The following FHIT variants were observed in gnomAD, a reference collection of about 807,000 sequenced individuals.
FHIT encodes fragile histidine triad diadenosine triphosphatase, also known as bis(5'-adenosyl)-triphosphatase.
In FHIT, 19 loss-of-function variants were observed where a neutral mutation model predicts 17.9. The ratio of observed to expected loss-of-function variants is 1.06; its 90% confidence interval spans 0.74 to 1.56. The LOEUF (loss-of-function observed/expected upper bound fraction) is 1.56. Ranked by LOEUF, FHIT falls within the 40% of genes most tolerant of loss-of-function variation. The probability of loss-of-function intolerance (pLI) is 0.00; values close to 1 mark genes in which losing one functional copy is unlikely to be tolerated. For synonymous variants in FHIT, 81 were observed against 69.7 expected (o/e 1.16, Z -0.81); for missense variants, 248 against 189.2 (o/e 1.31, Z -1.82).
chr3:60,347,679 G>GT (rs1553750556), intron 5 of FHIT, among the ~76,000 whole-genome samples: 4 of 145,612 alleles, frequency 2.7e-5, no homozygotes, highest in Admixed American at 1.4e-4. Context: ...CTGGTTTGGG[G>GT]GGGGGGGGGG....
chr3:59,789,893 A>G (rs1699477496), intron 8 of FHIT, among the ~76,000 whole-genome samples: 1 of 152,196 alleles, frequency 6.6e-6, no homozygotes, highest in African/African-American at 2.4e-5. Flanking sequence ...TCTGGCTTCC[A>G]TTGAATAAAG....
chr3:59,937,145 T>C (rs763681382), intron 7 of FHIT, among the ~76,000 whole-genome samples: 1 of 152,262 alleles, frequency 6.6e-6, no homozygotes, highest in African/African-American at 2.4e-5. Flanking sequence ...CATAATTTTA[T>C]GTCATTATCA....
At chr3:60,918,165 TC>T (rs1553767508) in intron 3 of FHIT, among the ~76,000 whole-genome samples, 2 of 152,198 alleles carry the variant, frequency 1.3e-5, no homozygotes, top group South Asian at 4.1e-4. Flanking sequence ...CATGCCTTTC[TC>T]CTCCTTTGCC....
chr3:60,263,827 C>A (rs1706428601), intron 5 of FHIT, among the ~76,000 whole-genome samples: 2 of 151,560 alleles, frequency 1.3e-5, no homozygotes, highest in African/African-American at 4.8e-5. Flanking sequence ...AGCTTAAATG[C>A]ATCTTTCAAC....
intron 2 of FHIT, among the ~76,000 whole-genome samples, chr3:61,178,317 A>G (rs1276134398): frequency 6.6e-6 from 1 of 151,982 alleles, no homozygotes; most frequent in African/African-American, 2.4e-5. Flanking sequence ...TCAAGGCTAA[A>G]GAATCCACTT....
chr3:60,993,389 G>A (rs1387805370), intron 3 of FHIT, among the ~76,000 whole-genome samples: 2 of 152,096 alleles, frequency 1.3e-5, no homozygotes, highest in Non-Finnish European at 2.9e-5. Flanking sequence ...CACCTTTATT[G>A]CACACTTTAC....
chr3:60,797,455 C>CAGT (rs59090057), intron 4 of FHIT, among the ~76,000 whole-genome samples: 14,222 of 147,962 alleles, frequency 0.096, 907 homozygotes, highest in African/African-American at 0.18. Context: ...AAAGAAATTG[C>CAGT]AGTAGTAGTA....
intron 5 of FHIT, among the ~76,000 whole-genome samples, chr3:60,280,247 A>G (rs556637409): frequency 6.6e-6 from 1 of 152,224 alleles, no homozygotes; most frequent in African/African-American, 2.4e-5. Context: ...AATCTACAAA[A>G]AAACCTACAG....
chr3:61,044,137 G>C (rs1342426498), intron 2 of FHIT, among the ~76,000 whole-genome samples: 1 of 152,212 alleles, frequency 6.6e-6, no homozygotes, highest in Non-Finnish European at 1.5e-5. Flanking sequence ...GAATGAATTT[G>C]ACGAGTTGAG....
At chr3:60,624,640 A>G (rs1390368682) in intron 4 of FHIT, among the ~76,000 whole-genome samples, 3 of 152,202 alleles carry the variant, frequency 2.0e-5, no homozygotes, top group African/African-American at 7.2e-5. Context: ...TGGAATAAAT[A>G]ATATTACTGA....
chr3:60,904,127 A>G lies in FHIT; in HGVS notation c.-110-82116T>C, dbSNP rs115217538. Among the ~76,000 whole-genome samples, 702 of 152,302 alleles carry G rather than the reference A, an allele frequency of 4.6e-3. 6 individuals carry two copies. Among genetic ancestry groups the G allele is most frequent in the African/African-American group, 0.016 (655 of 41,566 alleles). ...AGGTAGCAAATTTGTAAGACATTTCATCTATTTAGATTTTCATTTATTCAT... is the reference window on the plus strand; with the variant it reads ...AGGTAGCAAATTTGTAAGACATTTCGTCTATTTAGATTTTCATTTATTCAT... On this transcript the variant is annotated intron_variant, in intron 3 of 9. Transcript: ENST00000492590.
At chr3:61,224,146 G>C (rs972821858) in intron 1 of FHIT, among the ~76,000 whole-genome samples, 1 of 152,242 alleles carries the variant, frequency 6.6e-6, no homozygotes, top group Non-Finnish European at 1.5e-5. Context: ...AGTAAGGTCA[G>C]TGAAAAACAA....
chr3:60,430,671 G>C (rs1220308596), intron 5 of FHIT, among the ~76,000 whole-genome samples: 1 of 150,952 alleles, frequency 6.6e-6, no homozygotes, highest in Non-Finnish European at 1.5e-5. Flanking sequence ...TTTTATGTCT[G>C]TTTTCTGCAC....
At position 60,218,196 on chromosome 3, in the gene FHIT, T is replaced by C. The variant is rs546091828; in HGVS notation, c.104-204044A>G. On this transcript the variant is annotated intron_variant, in intron 5 of 9. Transcript: ENST00000492590. The stretch of plus-strand genomic sequence containing the variant: ...ATAAAGGGATTCTGAGATCGAAAAG[T>C]TTAAGAACCACTGAATAAGAAATTA... Among the ~76,000 whole-genome samples the C allele has an allele frequency of 1.3e-4, 20 of 152,270 alleles. No individual in the cohort carries two copies. In the South Asian group the frequency reaches 4.1e-3, roughly 32 times the overall value.
chr3:60,223,685 C>T (rs887129660), intron 5 of FHIT, among the ~76,000 whole-genome samples: 29 of 152,104 alleles, frequency 1.9e-4, no homozygotes, highest in Non-Finnish European at 3.8e-4. Flanking sequence ...TGGGCTTCTT[C>T]CAAAGCCCCC....
chr3:60,022,051 A>T (rs968576313), intron 5 of FHIT, among the ~76,000 whole-genome samples: 1 of 152,250 alleles, frequency 6.6e-6, no homozygotes, highest in Non-Finnish European at 1.5e-5. Context: ...AAATTTGCTT[A>T]TCTACAAAAT....
chr3:60,124,547 G>A (rs977200409), intron 5 of FHIT, among the ~76,000 whole-genome samples: 3 of 152,086 alleles, frequency 2.0e-5, no homozygotes, highest in African/African-American at 7.2e-5. Context: ...TAGATATGGG[G>A]AGTAGTGCTT....
intron 3 of FHIT, among the ~76,000 whole-genome samples, chr3:60,826,963 C>A (rs1044325130): frequency 3.3e-5 from 5 of 152,058 alleles, no homozygotes. Flanking sequence ...GGTCATTAAC[C>A]TTCCATGTTC....
At chr3:59,792,392 G>A (rs1247200184) in intron 8 of FHIT, among the ~76,000 whole-genome samples, 1 of 152,112 alleles carries the variant, frequency 6.6e-6, no homozygotes, top group East Asian at 1.9e-4. Flanking sequence ...AATCTATTTG[G>A]AAGGTGAGGG....
Sources: allele counts gnomAD v4.1 joint callset (sites outside exome capture counted in the v4.1 genomes callset), GRCh38; gene constraint gnomAD v4.1.1; transcripts MANE v1.5; gene names NCBI Gene and HGNC (gene_info 2026-07-23, HGNC 2026-07-21).